The following CREG2 variants were observed in gnomAD, a reference collection of about 807,000 sequenced individuals.
CREG2 encodes the protein protein CREG2.
A neutral mutation model predicts 26.2 loss-of-function variants in CREG2; 24 were observed. The ratio of observed to expected loss-of-function variants is 0.92; its 90% CI spans 0.66 to 1.29. CREG2 has a LOEUF of 1.29. Ranked by LOEUF, CREG2 falls within the 50% of genes most tolerant of loss-of-function variation. CREG2 has a pLI of 0.00. For synonymous variants in CREG2, 174 were observed against 169.2 expected (o/e 1.03, Z -0.22); for missense variants, 366 against 398.6 (o/e 0.92, Z 0.70).
In CREG2 at chr2:101,351,088, G is replaced by A. The variant is rs1363908992; in HGVS notation, c.726-18C>T. 1 of 1,612,642 alleles carries A rather than the reference G, an allele frequency of 6.2e-7. No homozygotes were observed. The highest frequency in any genetic ancestry group is 1.7e-5 in the Admixed American group (1 of 59,826). On this transcript the variant is annotated intron_variant, in intron 3 of 3. Transcript: ENST00000324768. ...CTGGGTGCCTGCAGGAATAAAGAGAGACCACAGTAAAGCTGCTCTTATCAG... is the reference window on the plus strand; with the variant it reads ...CTGGGTGCCTGCAGGAATAAAGAGAAACCACAGTAAAGCTGCTCTTATCAG...
At chr2:101,365,658 T>C (rs568725254) in intron 2 of CREG2, among the ~76,000 whole-genome samples, 14 of 152,324 alleles carry the variant, frequency 9.2e-5, no homozygotes, top group Middle Eastern at 3.4e-3. Context: ...TTAATTTTTT[T>C]CCCAGTTTTG....
chr2:101,375,306 A>G (rs997251236), intron 2 of CREG2, among the ~76,000 whole-genome samples: 2 of 152,132 alleles, frequency 1.3e-5, no homozygotes, highest in African/African-American at 4.8e-5. Context: ...CTCAGAAACT[A>G]GATTCCTTTG....
chr2:101,383,170 C>T (rs1684904693), intron 2 of CREG2: 1 of 345,580 alleles, frequency 2.9e-6, no homozygotes, highest in African/African-American at 2.2e-5. Flanking sequence ...ACTGGCTCTT[C>T]CTTTACCAAC....
intron 3 of CREG2, among the ~76,000 whole-genome samples, chr2:101,351,652 A>G (rs1684382742): frequency 6.6e-6 from 1 of 152,128 alleles, no homozygotes; most frequent in Non-Finnish European, 1.5e-5. Flanking sequence ...TTGACAGGCA[A>G]CGTCACATCC....
At chr2:101,361,146 G>T (rs2104473762) in intron 2 of CREG2, among the ~76,000 whole-genome samples, 1 of 152,258 alleles carries the variant, frequency 6.6e-6, no homozygotes, top group South Asian at 2.1e-4. Flanking sequence ...CTTCTCTACT[G>T]TGGGTAATTA....
In CREG2 at chr2:101,355,261, C is replaced by T. The variant is rs776563894; in HGVS notation, c.717G>A (p.Met239Ile). 1.9e-6 allele frequency: 3 copies of T among 1,607,904 alleles called. No individual in the cohort carries two copies. The highest frequency in any genetic ancestry group is 2.7e-5 in the African/African-American group (2 of 74,908). ...TTAAAGCATTTACACACCTTGAAAA[C>T]ATGGCTTGCTTGGCAAATTCTACTT... ...PEEVEFAKQA[M>I]FSRHPGMRKW... The change falls in exon 3 of 4, where the codon ATG becomes ATA. Residue 239 changes from methionine (M) to isoleucine (I), a missense_variant. Transcript: ENST00000324768.
At chr2:101,351,491 A>G (rs1334773161) in intron 3 of CREG2, among the ~76,000 whole-genome samples, 3 of 152,188 alleles carry the variant, frequency 2.0e-5, no homozygotes, top group Non-Finnish European at 4.4e-5. Context: ...GAGGCTGGTT[A>G]CCATTCTTTG....
intron 2 of CREG2, 115 bp from the exon 3 acceptor site, chr2:101,355,481 G>GAATATCCATAACCTGAA: frequency 1.5e-6 from 1 of 665,894 alleles, no homozygotes; most frequent in Non-Finnish European, 2.7e-6. Context: ...TATCATTCAG[G>GAATATCCATAACCTGAA]TTATGGATAT....
rs577970303 is a variant in CREG2, at chr2:101,355,303, G to A, written c.675C>T (p.Ile225=). 8.7e-6 allele frequency: 14 copies of A among 1,613,966 alleles called. No homozygotes were observed. The highest frequency in any genetic ancestry group is 5.0e-5 in the Admixed American group (3 of 60,018). ...CVQLTLTGQM[I]AVSPEEVEFA... is the part of the protein sequence containing the mutation. The stretch of plus-strand genomic sequence containing the variant: ...ATTCTACTTCTTCTGGAGACACTGC[G>A]ATCATCTGGCCAGTGAGCGTTAACT... Residue 225 remains isoleucine (I), a synonymous_variant, in exon 3 of 4, where the codon ATC becomes ATT. Coordinates refer to ENST00000324768, the MANE Select transcript of CREG2 (RefSeq NM_153836.4).
intron 2 of CREG2, among the ~76,000 whole-genome samples, chr2:101,373,483 C>T (rs901295040): frequency 1.3e-5 from 2 of 151,888 alleles, no homozygotes; most frequent in African/African-American, 4.8e-5. Flanking sequence ...ATCTTAACAG[C>T]CCTGAAAGCT....
chr2:101,355,330 G>T lies in CREG2; in HGVS notation c.648C>A (p.Val216=), dbSNP rs751219780. 2.4e-5 allele frequency: 39 copies of T among 1,613,882 alleles called. No individual in the cohort carries two copies. The highest frequency in any genetic ancestry group is 2.8e-5 in the Non-Finnish European group (33 of 1,179,778). Residue 216 remains valine (V), a synonymous_variant, in exon 3 of 4, where the codon GTC becomes GTA. Coordinates refer to ENST00000324768, the MANE Select transcript of CREG2 (RefSeq NM_153836.4). ...TCATCTGGCCAGTGAGCGTTAACTG[G>T]ACACATCGGGGATCTTCCGGATCAA... ...NIVDPEDPRC[V]QLTLTGQMIA...
At chr2:101,355,722 G>A (rs976846585) in intron 2 of CREG2, among the ~76,000 whole-genome samples, 2 of 151,994 alleles carry the variant, frequency 1.3e-5, no homozygotes, top group Admixed American at 6.6e-5. Context: ...GGGTTCGGGG[G>A]GGTGGGAGTG....
intron 2 of CREG2, among the ~76,000 whole-genome samples, chr2:101,357,312 C>G (rs147410360): frequency 0.013 from 1,957 of 151,966 alleles, 48 homozygotes; most frequent in African/African-American, 0.045. Flanking sequence ...CGTGAGCCAT[C>G]GTGCCTGGCC....
chr2:101,372,299 G>A (rs1326367345), intron 2 of CREG2, among the ~76,000 whole-genome samples: 1 of 152,214 alleles, frequency 6.6e-6, no homozygotes, highest in Non-Finnish European at 1.5e-5. Flanking sequence ...CTGGCTTATA[G>A]TAAGTGCTCA....
chr2:101,381,142 T>C (rs1418777873), intron 2 of CREG2, among the ~76,000 whole-genome samples: 1 of 152,158 alleles, frequency 6.6e-6, no homozygotes, highest in African/African-American at 2.4e-5. Context: ...GTGACGACGA[T>C]CTCTGCCTTT....
chr2:101,378,904 G>A (rs141607863), intron 2 of CREG2, among the ~76,000 whole-genome samples: 1,678 of 152,098 alleles, frequency 0.011, 34 homozygotes, highest in African/African-American at 0.038. Context: ...TATTCAGGAC[G>A]CTGAGGCAGG....
chr2:101,376,261 C>T (rs1365629470), intron 2 of CREG2, among the ~76,000 whole-genome samples: 7 of 139,898 alleles, frequency 5.0e-5, no homozygotes, highest in East Asian at 2.1e-4. Context: ...GGTTATTTTC[C>T]GAATTTAATT....
In CREG2 at chr2:101,361,942, G is replaced by C. The variant is rs143309865; in HGVS notation, c.612-6576C>G. ...CTGTAGGAGGTGTTGCCCCTCCTCT[G>C]GGTAACAGATCTCATCTATTGTTGA... On this transcript the variant is annotated intron_variant, in intron 2 of 3. Coordinates refer to ENST00000324768, the MANE Select transcript of CREG2 (RefSeq NM_153836.4). Among the ~76,000 whole-genome samples the C allele has an allele frequency of 2.0e-3, 307 of 152,214 alleles. 5 individuals are homozygous for C. The highest frequency in any genetic ancestry group is 0.019 in the South Asian group (91 of 4,812).
Position 101,387,167 on chromosome 2 carries a change from G to C in CREG2, c.291C>G (p.Pro97=), listed in dbSNP as rs1351217600. Residue 97 remains proline, a synonymous_variant, in exon 1 of 4, where the codon CCC becomes CCG. Transcript: ENST00000324768. The surrounding 1 kb of genome is among the most constrained non-coding windows in gnomAD (Gnocchi z 4.7). ...PRAGAARARP[P]PAPPGMFSYR... ...AGGAGAACATCCCGGGTGGCGCGGG[G>C]GGCGGCCTGGCCCGGGCGGCGCCCG... The C allele has an allele frequency of 7.8e-7, 1 of 1,281,364 alleles. No homozygotes were observed. The highest frequency in any genetic ancestry group is 3.2e-5 in the East Asian group (1 of 31,598). 79.4% of individuals were successfully genotyped at this position (1,281,364 alleles called of 1,614,324 possible). A position where few individuals can be genotyped will look rare whatever the true frequency, so the allele number is the denominator to read the frequency against.
Sources: gnomAD v4.1 joint callset for allele counts (sites outside exome capture counted in the v4.1 genomes callset) on GRCh38, gnomAD v4.1.1 for gene constraint, Gnocchi (gnomAD v3.1) non-coding constraint, MANE v1.5 for transcripts, NCBI Gene and HGNC (gene_info 2026-07-23, HGNC 2026-07-21) for gene names.